The following HERC2 variants were observed in gnomAD, a reference collection of about 807,000 sequenced individuals.
HERC2 encodes HECT and RLD domain containing E3 ubiquitin protein ligase 2, also known as E3 ubiquitin-protein ligase HERC2.
In HERC2, 102 loss-of-function variants were observed where a neutral mutation model predicts 537.7. That is an observed-to-expected ratio of 0.19 (90% CI 0.16 to 0.22). The LOEUF is 0.22. Among genes scored for constraint, HERC2 ranks in the 10% least tolerant of loss-of-function variants. The pLI, the probability that HERC2 is intolerant of heterozygous loss-of-function variation, is 1.00. For missense variants in HERC2, 4,236 were observed against 6,198.2 expected, an observed-to-expected ratio of 0.68 and a Z score of 10.63; for synonymous variants, 2,224 against 2,466.2, an observed-to-expected ratio of 0.90 and a Z score of 2.91.
At position 28,143,905 on chromosome 15, in the gene HERC2, G is replaced by A. The variant is rs1952380337; in HGVS notation, c.11386C>T (p.Leu3796Phe). Residue 3796 changes from leucine (L) to phenylalanine (F), a missense_variant, in exon 74 of 93, where the codon CTT becomes TTT. Leu to Phe is a conservative substitution (Grantham distance 22). Coordinates refer to ENST00000261609, the MANE Select transcript of HERC2 (RefSeq NM_004667.6). ...CTTGTTTCCCCATCATTTTCTCCAA[G>A]CAGCCTATTTATGTTAATTGACTGC... ...FGQSININRLLGENDGETRAL... is the reference protein window; with the variant it reads ...FGQSININRLFGENDGETRAL... 6.2e-7 allele frequency: 1 copy of A among 1,614,072 alleles called. No individual in the cohort carries two copies. Among genetic ancestry groups the A allele is most frequent in the Admixed American group, 1.7e-5 (1 of 60,004 alleles).
At chr15:28,259,714 G>A (rs1302515456) in intron 16 of HERC2, among the ~76,000 whole-genome samples, 2 of 151,798 alleles carry the variant, frequency 1.3e-5, no homozygotes, top group African/African-American at 4.8e-5. Context: ...CAGCACTTTG[G>A]GATGCCAAGG....
intron 44 of HERC2, among the ~76,000 whole-genome samples, chr15:28,210,545 A>T (rs1899079984): frequency 6.6e-6 from 1 of 152,128 alleles, no homozygotes; most frequent in Non-Finnish European, 1.5e-5. Context: ...TCAAAGACCA[A>T]CTCATTTCCT....
At chr15:28,145,280 C>T (rs1312744124) in intron 71 of HERC2, among the ~76,000 whole-genome samples, 1 of 152,218 alleles carries the variant, frequency 6.6e-6, no homozygotes, top group Non-Finnish European at 1.5e-5. Context: ...AGGCCGCCCT[C>T]GAGGGAGCAG....
intron 23 of HERC2, among the ~76,000 whole-genome samples, chr15:28,243,495 T>C (rs1046667823): frequency 1.3e-5 from 2 of 151,862 alleles, no homozygotes; most frequent in African/African-American, 4.8e-5. Flanking sequence ...AAAGTTCATA[T>C]CCCAAATACA....
intron 78 of HERC2, among the ~76,000 whole-genome samples, chr15:28,141,118 AT>A (rs1891181078): frequency 6.6e-6 from 1 of 151,802 alleles, no homozygotes; most frequent in Admixed American, 6.6e-5. Context: ...GGCGCCTATA[AT>A]CCCAGCTACT....
intron 23 of HERC2, among the ~76,000 whole-genome samples, chr15:28,244,416 A>G (rs1356651989): frequency 6.6e-6 from 1 of 152,154 alleles, no homozygotes; most frequent in Non-Finnish European, 1.5e-5. Context: ...TTAGTATAAG[A>G]TGATCAGAAG....
intron 4 of HERC2, among the ~76,000 whole-genome samples, chr15:28,288,621 G>T (rs981286604): frequency 2.0e-5 from 3 of 151,118 alleles, no homozygotes; most frequent in Non-Finnish European, 2.9e-5. Context: ...TGAGGCACGT[G>T]GATCACCTAA....
chr15:28,299,072 A>C (rs564921753), intron 3 of HERC2, among the ~76,000 whole-genome samples: 2 of 152,308 alleles, frequency 1.3e-5, no homozygotes, highest in African/African-American at 4.8e-5. Flanking sequence ...AGTCTTACTG[A>C]GCATGCAAAA....
chr15:28,233,069 A>C, intron 30 of HERC2, 77 bp downstream of exon 30: 6 of 1,106,966 alleles, frequency 5.4e-6, no homozygotes, highest in Non-Finnish European at 5.4e-6. Flanking sequence ...GAGAAACTTC[A>C]CTCTGAAATC....
At chr15:28,249,475 G>A (rs944163849) in intron 20 of HERC2, among the ~76,000 whole-genome samples, 1 of 152,222 alleles carries the variant, frequency 6.6e-6, no homozygotes, top group Non-Finnish European at 1.5e-5. Flanking sequence ...TAGGAGAGCA[G>A]TGAATGTTTC....
intron 21 of HERC2, 40 bp downstream of exon 21, chr15:28,248,512 C>T (rs769548806): frequency 5.3e-6 from 8 of 1,517,898 alleles, no homozygotes; most frequent in South Asian, 3.4e-5. Flanking sequence ...TAACGAGCCC[C>T]GATCACATAC....
chr15:28,257,646 A>G lies in HERC2; in HGVS notation c.2317-385T>C, dbSNP rs2075301272. ...ACACACAACCTTTCACAGTGAAATA[A>G]CAAGTAATCGGCAAGGATCTAAGAG... On this transcript the variant is annotated intron_variant, in intron 16 of 92. Transcript: ENST00000261609. 2.0e-5 allele frequency among the ~76,000 whole-genome samples: 3 copies of G among 152,194 alleles called. No homozygotes were observed. In the South Asian group the frequency reaches 6.2e-4, roughly 31 times the overall value.
At chr15:28,165,640 A>G (rs1297788688) in intron 68 of HERC2, among the ~76,000 whole-genome samples, 3 of 135,004 alleles carry the variant, frequency 2.2e-5, no homozygotes, top group East Asian at 3.9e-4. Context: ...AAAAAAGAGA[A>G]AAAAAAAAAT....
At position 28,198,447 on chromosome 15, in the gene HERC2, T is replaced by G; in HGVS notation, c.7942A>C (p.Lys2648Gln). Residue 2648 changes from lysine (K) to glutamine (Q), a missense_variant, in exon 50 of 93, where the codon AAA becomes CAA. Physicochemically the swap from Lys to Gln is moderately conservative, Grantham distance 53 (BLOSUM62 1). Coordinates refer to ENST00000261609, the MANE Select transcript of HERC2 (RefSeq NM_004667.6). ...HIKIGDKVRV[K>Q]ASVTTPKYKW... ...TATTTTGGTGTGGTGACAGAGGCTT[T>G]GACCCGCACTTTATCACCAATCTTG... is the stretch of plus-strand genomic sequence containing the variant. 5.6e-6 allele frequency: 9 copies of G among 1,613,858 alleles called. No homozygotes were observed. The highest frequency in any genetic ancestry group is 6.8e-6 in the Non-Finnish European group (8 of 1,179,956).
Position 28,141,648 on chromosome 15 carries a change from T to A in HERC2, c.11817-18A>T. 2 of 1,613,966 alleles carry A rather than the reference T, an allele frequency of 1.2e-6. No individual in the cohort carries two copies. Among genetic ancestry groups the A allele is most frequent in the Non-Finnish European group, 1.7e-6 (2 of 1,179,878 alleles). On this transcript the variant is annotated intron_variant, in intron 77 of 92. Transcript: ENST00000261609. ...CTGGTCGCCTACAATACACATCAAG[T>A]GAGCATTTGCCATGGGCAAGAACAA...
rs759337602 is a variant in HERC2, at chr15:28,228,360, T to C, written c.5322A>G (p.Gly1774=). 6.2e-7 allele frequency: 1 copy of C among 1,611,950 alleles called. No homozygotes were observed. Among genetic ancestry groups the C allele is most frequent in the Admixed American group, 1.7e-5 (1 of 59,986 alleles). ...CTTGCGGGATGGTCCCCAGGCTCGG[T>C]CCTGACGGGTTCTCATTGGTGATGG... is the stretch of plus-strand genomic sequence containing the variant. ...LQTITNENPS[G]PSLGTIPQAR... Residue 1774 remains glycine, a synonymous_variant, in exon 35 of 93, where the codon GGA becomes GGG. Transcript: ENST00000261609.
intron 23 of HERC2, among the ~76,000 whole-genome samples, chr15:28,243,146 G>C (rs1053282113): frequency 6.6e-6 from 1 of 152,194 alleles, no homozygotes; most frequent in African/African-American, 2.4e-5. Flanking sequence ...TCCCAGAAGA[G>C]TGACCAAGGA....
At position 28,134,703 on chromosome 15, in the gene HERC2, C is replaced by CT. The variant is rs71132835; in HGVS notation, c.12230+774dup. On this transcript the variant is annotated intron_variant, in intron 79 of 92. Coordinates refer to ENST00000261609, the MANE Select transcript of HERC2 (RefSeq NM_004667.6). ...GGAGTTTGCCAAATTATTTTTTCCT[C>CT]TTTTTTTTTTTTTTTTTGAGATGGA... 1.9e-3 allele frequency among the ~76,000 whole-genome samples: 216 copies of CT among 114,768 alleles called. 4 individuals carry two copies. The highest frequency in any genetic ancestry group is 5.6e-3 in the African/African-American group (191 of 34,132). 75.3% of individuals were successfully genotyped at this position (114,768 alleles called of 152,430 possible). A position where few individuals can be genotyped will look rare whatever the true frequency, so the allele number is the denominator to read the frequency against.
intron 4 of HERC2, among the ~76,000 whole-genome samples, chr15:28,290,009 G>A (rs1192436546): frequency 6.6e-6 from 1 of 152,212 alleles, no homozygotes; most frequent in African/African-American, 2.4e-5. Context: ...TCTCAGGCGG[G>A]GTTCAAAGAG....
Sources: gnomAD v4.1 joint callset for allele counts (sites outside exome capture counted in the v4.1 genomes callset) on GRCh38, gnomAD v4.1.1 for gene constraint, MANE v1.5 for transcripts, NCBI Gene and HGNC (gene_info 2026-07-23, HGNC 2026-07-21) for gene names.